The following NUPR2 variants were observed in gnomAD, a reference collection of about 807,000 sequenced individuals.
NUPR2 encodes the protein nuclear protein 2, transcriptional regulator.
Under a neutral mutation model 7.3 loss-of-function variants are expected in NUPR2, and 14 were observed. That is an observed-to-expected ratio of 1.93 (90% CI 1.27 to 3.01). The LOEUF (loss-of-function observed/expected upper bound fraction) is 3.01. Among genes scored for constraint, NUPR2 ranks in the 30% most tolerant of loss-of-function variants. The probability of loss-of-function intolerance (pLI) is 0.00; values close to 1 mark genes in which losing one functional copy is unlikely to be tolerated. For synonymous variants in NUPR2, 56 were observed against 59.7 expected, an observed-to-expected ratio of 0.94 and a Z score of 0.29; for missense variants, 162 against 143.7, an observed-to-expected ratio of 1.13 and a Z score of -0.65.
At chr7:56,115,102 A>AT (rs1475277998) in intron 1 of NUPR2, among the ~76,000 whole-genome samples, 2 of 151,910 alleles carry the variant, frequency 1.3e-5, no homozygotes, top group African/African-American at 4.8e-5. Context: ...CGCCCAGCTT[A>AT]TTTTTTGTAT....
Position 56,116,135 on chromosome 7 carries a change from G to A in NUPR2, c.180C>T (p.Thr60=). ...CGTGCCCGCCAGGTGCAGGCCAGTT[G>A]GTGCGCAGCGCCTGCTCGCGCCGAG... The part of the protein sequence containing the change: ...GRTRREQALR[T]NWPAPGGHER... Residue 60 remains threonine (T), a synonymous_variant, in exon 1 of 2, where the codon ACC becomes ACT. Coordinates refer to ENST00000329309, the MANE Select transcript of NUPR2 (RefSeq NM_001145712.2). 2 of 1,546,020 alleles carry A rather than the reference G, an allele frequency of 1.3e-6. No homozygotes were observed. Among genetic ancestry groups the A allele is most frequent in the African/African-American group, 1.4e-5 (1 of 72,180 alleles).
At position 56,116,081 on chromosome 7, in the gene NUPR2, A is replaced by G. The variant is rs924488811; in HGVS notation, c.234T>C (p.Asn78=). 2.0e-6 allele frequency: 3 copies of G among 1,527,160 alleles called. No individual in the cohort carries two copies. The highest frequency in any genetic ancestry group is 1.4e-5 in the African/African-American group (1 of 70,648). The allele number at this position is 1,527,160 out of a possible 1,614,324, so 94.6% of individuals were successfully genotyped here. The part of the protein sequence containing the change: ...HERKVAQKLL[N]GQRKRRQRQL... ...GGCGCTGGCGGCGCTTGCGCTGGCC[A>G]TTGAGGAGCTTCTGCGCGACCTTGC... Residue 78 remains asparagine (N), a synonymous_variant, in exon 1 of 2, where the codon AAT becomes AAC. Coordinates refer to ENST00000329309, the MANE Select transcript of NUPR2 (RefSeq NM_001145712.2).
In NUPR2 at chr7:56,116,292, GCCCGCTC is replaced by G; in HGVS notation, c.16_22del (p.Glu6ArgfsTer15). The G allele has an allele frequency of 6.9e-7, 1 of 1,459,548 alleles. No homozygotes were observed. Among genetic ancestry groups the G allele is most frequent in the Non-Finnish European group, 9.0e-7 (1 of 1,113,864 alleles). The allele number at this position is 1,459,548 out of a possible 1,614,324, so 90.4% of individuals were successfully genotyped here. ...AGCCAGAGCCTGCAGACGTGGAAGC[GCCCGCTC>G]TGCGGGCGCTTCCATCCTGCCCAGG... is the stretch of plus-strand genomic sequence containing the variant. On this transcript the variant is annotated frameshift_variant, in exon 1 of 2. Coordinates refer to ENST00000329309, the MANE Select transcript of NUPR2 (RefSeq NM_001145712.2). LOFTEE classifies it high-confidence loss of function.
rs1181380256 is a variant in NUPR2, at chr7:56,116,184, C to T, written c.131G>A (p.Gly44Glu). The change falls in exon 1 of 2, where the codon GGG becomes GAG. Residue 44 changes from glycine (G) to glutamate (E), a missense_variant. Gly to Glu is a moderately conservative substitution (Grantham distance 98). Coordinates refer to ENST00000329309, the MANE Select transcript of NUPR2 (RefSeq NM_001145712.2). ...AGTCCGGCCCTTGCTGCGCCCTGCC[C>T]CGCAGGCCGGGAAGTCGCGCAGGTA... ...YYYLRDFPAC[G>E]AGRSKGRTRR... is the part of the protein sequence containing the mutation. The T allele has an allele frequency of 1.3e-6, 2 of 1,548,954 alleles. No homozygotes were observed. Among genetic ancestry groups the T allele is most frequent in the South Asian group, 2.4e-5 (2 of 83,924 alleles).
chr7:56,116,004 G>C lies in NUPR2; in HGVS notation c.*6+11C>G. On this transcript the variant is annotated intron_variant, in intron 1 of 1. Coordinates refer to ENST00000329309, the MANE Select transcript of NUPR2 (RefSeq NM_001145712.2). Reference sequence around the variant, plus strand: ...GGGGCACTGGTTGGGGGAGGTGTTGGGCGCACGTACCCAGGCTCAGGTGAG... The same window carrying C: ...GGGGCACTGGTTGGGGGAGGTGTTGCGCGCACGTACCCAGGCTCAGGTGAG... 1 of 1,444,848 alleles carries C rather than the reference G, an allele frequency of 6.9e-7. No homozygotes were observed. Among genetic ancestry groups the C allele is most frequent in the Non-Finnish European group, 9.1e-7 (1 of 1,100,952 alleles). 89.5% of individuals were successfully genotyped at this position (1,444,848 alleles called of 1,614,324 possible). A position where few individuals can be genotyped will look rare whatever the true frequency, so the allele number is the denominator to read the frequency against.
intron 1 of NUPR2, among the ~76,000 whole-genome samples, chr7:56,115,413 A>ATATATGTG (rs1785524609): frequency 2.2e-5 from 1 of 46,368 alleles, no homozygotes; most frequent in Non-Finnish European, 3.6e-5. Flanking sequence ...ATATATATAT[A>ATATATGTG]TATATATATA....
intron 1 of NUPR2, among the ~76,000 whole-genome samples, chr7:56,115,437 G>GTATATATATACA: frequency 1.4e-4 from 2 of 14,602 alleles, no homozygotes; most frequent in African/African-American, 7.5e-4. Flanking sequence ...ATTTGTGTGT[G>GTATATATATACA]TGTGTGTGTG....
intron 1 of NUPR2, among the ~76,000 whole-genome samples, 153 bp downstream of exon 1, chr7:56,115,862 A>G (rs899864013): frequency 6.6e-6 from 1 of 151,944 alleles, no homozygotes; most frequent in Admixed American, 6.6e-5. Flanking sequence ...TGCTATTGCT[A>G]TGGCCATAAG....
intron 1 of NUPR2, among the ~76,000 whole-genome samples, chr7:56,115,600 C>G (rs1015881022): frequency 1.6e-5 from 2 of 123,250 alleles, no homozygotes; most frequent in African/African-American, 6.4e-5. Flanking sequence ...GGACTACAGG[C>G]GCGCACCACA....
In NUPR2 at chr7:56,116,178, C is replaced by T; in HGVS notation, c.137G>A (p.Gly46Glu). 1.3e-6 allele frequency: 2 copies of T among 1,548,752 alleles called. No individual in the cohort carries two copies. Residue 46 changes from glycine to glutamate, a missense_variant, in exon 1 of 2, where the codon GGG becomes GAG. Coordinates refer to ENST00000329309, the MANE Select transcript of NUPR2 (RefSeq NM_001145712.2). ...GCGCCGAGTCCGGCCCTTGCTGCGC[C>T]CTGCCCCGCAGGCCGGGAAGTCGCG... Reference protein sequence around the residue: ...YLRDFPACGAGRSKGRTRREQ... With the variant: ...YLRDFPACGAERSKGRTRREQ...
rs1785532072 is a variant in NUPR2, at chr7:56,115,452, TGTG to T, written c.*7-558_*7-556del. On this transcript the variant is annotated intron_variant, in intron 1 of 1. Transcript: ENST00000329309. ...ATTTGTGTGTGTGTGTGTGTGTGTG[TGTG>T]TGTGTGTGTGTGTGTGTGTGTGACG... 1.4e-4 allele frequency among the ~76,000 whole-genome samples: 8 copies of T among 59,204 alleles called. 1 individual carries two copies. Among genetic ancestry groups the T allele is most frequent in the Non-Finnish European group, 2.6e-4 (8 of 30,684 alleles). 38.8% of individuals were successfully genotyped at this position (59,204 alleles called of 152,430 possible).
chr7:56,116,010 C>T lies in NUPR2; in HGVS notation c.*6+5G>A, dbSNP rs1203855843. The stretch of plus-strand genomic sequence containing the variant: ...CTGGTTGGGGGAGGTGTTGGGCGCA[C>T]GTACCCAGGCTCAGGTGAGGCGAGT... On this transcript the variant is annotated splice_donor_5th_base_variant and intron_variant, in intron 1 of 1. Transcript: ENST00000329309. 1 of 1,451,024 alleles carries T rather than the reference C, an allele frequency of 6.9e-7. No individual in the cohort carries two copies. The highest frequency in any genetic ancestry group is 2.4e-5 in the Admixed American group (1 of 41,560). The allele number at this position is 1,451,024 out of a possible 1,614,324, so 89.9% of individuals were successfully genotyped here.
intron 1 of NUPR2, among the ~76,000 whole-genome samples, chr7:56,115,436 T>TATATA (rs1785530748): frequency 2.5e-5 from 1 of 40,724 alleles, no homozygotes; most frequent in African/African-American, 1.2e-4. Flanking sequence ...TATTTGTGTG[T>TATATA]GTGTGTGTGT....
Position 56,116,006 on chromosome 7 carries a change from C to T in NUPR2, c.*6+9G>A. On this transcript the variant is annotated intron_variant, in intron 1 of 1. Coordinates refer to ENST00000329309, the MANE Select transcript of NUPR2 (RefSeq NM_001145712.2). ...GGCACTGGTTGGGGGAGGTGTTGGGCGCACGTACCCAGGCTCAGGTGAGGC... is the reference window on the plus strand; with the variant it reads ...GGCACTGGTTGGGGGAGGTGTTGGGTGCACGTACCCAGGCTCAGGTGAGGC... 2 of 1,445,604 alleles carry T rather than the reference C, an allele frequency of 1.4e-6. No individual in the cohort carries two copies. Among genetic ancestry groups the T allele is most frequent in the Non-Finnish European group, 1.8e-6 (2 of 1,101,404 alleles). 89.5% of individuals were successfully genotyped at this position (1,445,604 alleles called of 1,614,324 possible). A position where few individuals can be genotyped will look rare whatever the true frequency, so the allele number is the denominator to read the frequency against.
intron 1 of NUPR2, among the ~76,000 whole-genome samples, chr7:56,115,455 G>GTATATATATATATATT (rs60836247): frequency 2.1e-5 from 1 of 48,480 alleles, no homozygotes. Flanking sequence ...GTGTGTGTGT[G>GTATATATATATATATT]TGTGTGTGTG....
chr7:56,115,992 G>C, intron 1 of NUPR2, 23 bp downstream of exon 1: 1 of 1,437,768 alleles, frequency 7.0e-7, no homozygotes, highest in Non-Finnish European at 9.1e-7. Flanking sequence ...GCACTGGTTG[G>C]GGGAGGTGTT....
At chr7:56,115,403 A>ATATATATATATATACATATG (rs1785522839) in intron 1 of NUPR2, among the ~76,000 whole-genome samples, 2 of 19,100 alleles carry the variant, frequency 1.0e-4, no homozygotes, top group African/African-American at 9.5e-4. Flanking sequence ...GCATATATAT[A>ATATATATATATATACATATG]TATATATATA....
rs60601611 is a variant in NUPR2 at position 56,115,415 on chromosome 7, A to ACACATG, written c.*7-519_*7-518insCATGTG. 2.6e-3 allele frequency among the ~76,000 whole-genome samples: 135 copies of ACACATG among 52,204 alleles called. 13 individuals are homozygous for ACACATG. The highest frequency in any genetic ancestry group is 2.8e-3 in the East Asian group (3 of 1,058). The allele number at this position is 52,204 out of a possible 152,430, so 34.2% of individuals were successfully genotyped here. On this transcript the variant is annotated intron_variant, in intron 1 of 1. Transcript: ENST00000329309. ...ATCGCATATATATATATATATATAT[A>ACACATG]TATATATATATATTTGTGTGTGTGT...
At chr7:56,114,971 T>G (rs1237787388) in intron 1 of NUPR2, 74 bp from the exon 2 acceptor site, 1 of 152,218 alleles carries the variant, frequency 6.6e-6, no homozygotes, top group African/African-American at 2.4e-5. Flanking sequence ...GGTCTCACTC[T>G]GTCGCCTAGG....
Sources: allele counts gnomAD v4.1 joint callset (sites outside exome capture counted in the v4.1 genomes callset), GRCh38; gene constraint gnomAD v4.1.1; transcripts MANE v1.5; gene names NCBI Gene and HGNC (gene_info 2026-07-23, HGNC 2026-07-21).